The following KISS1R variants were observed in gnomAD, a reference collection of about 807,000 sequenced individuals.
The protein encoded by KISS1R is kiSS-1 receptor.
KISS1R carries 19 observed loss-of-function variants against 22.0 expected under a neutral mutation model. The ratio of observed to expected loss-of-function variants is 0.86; its 90% CI spans 0.60 to 1.26. The LOEUF (loss-of-function observed/expected upper bound fraction) is 1.26, where lower values mean the gene tolerates loss of function less well. KISS1R is among the 50% of genes most tolerant of loss of function. KISS1R has a pLI of 0.00. For missense variants in KISS1R, 653 were observed against 581.9 expected (o/e 1.12, Z -1.26); for synonymous variants, 302 against 283.9 (o/e 1.06, Z -0.64).
rs1427785644 is a variant in KISS1R, at chr19:920,385, C to T, written c.834C>T (p.Pro278=). 2 of 1,594,478 alleles carry T rather than the reference C, an allele frequency of 1.3e-6. No homozygotes were observed. The highest frequency in any genetic ancestry group is 1.7e-4 in the Middle Eastern group (1 of 5,844). Reference sequence around the variant, plus strand: ...TGCTCTTCGCCGCCTGCTGGGGCCCCATCCAGCTGTTCCTGGTGCTGCAGG... The same window carrying T: ...TGCTCTTCGCCGCCTGCTGGGGCCCTATCCAGCTGTTCCTGGTGCTGCAGG... The part of the protein sequence containing the change: ...VVLLFAACWG[P]IQLFLVLQAL... The change falls in exon 5 of 5, where the codon CCC becomes CCT. Residue 278 remains proline, a synonymous_variant. Coordinates refer to ENST00000234371, the MANE Select transcript of KISS1R (RefSeq NM_032551.5).
Position 920,749 on chromosome 19 carries a change from G to A in KISS1R, c.*1G>A, listed in dbSNP as rs2037115557. ...GGGGGAGGACAACGCCCCTCTCTGAGCGGACCCGGTGGGAATCCGAGCGGC... is the reference window on the plus strand; with the variant it reads ...GGGGGAGGACAACGCCCCTCTCTGAACGGACCCGGTGGGAATCCGAGCGGC... On this transcript the variant is annotated 3_prime_UTR_variant, in exon 5 of 5. Transcript: ENST00000234371. 2 of 1,282,544 alleles carry A rather than the reference G, an allele frequency of 1.6e-6. 1 individual carries two copies. The highest frequency in any genetic ancestry group is 6.1e-5 in the South Asian group (2 of 32,742). 79.4% of individuals were successfully genotyped at this position (1,282,544 alleles called of 1,614,324 possible).
chr19:917,629 T>C lies in KISS1R; in HGVS notation c.127T>C (p.Trp43Arg), dbSNP rs1469857955. The change falls in exon 1 of 5, where the codon TGG becomes CGG. Residue 43 changes from tryptophan (W) to arginine (R), a missense_variant. Transcript: ENST00000234371. ...PVPSPRAVDA[W>R]LVPLFFAALM... is the part of the protein sequence containing the mutation. ...CCCTTCGCCGCGGGCCGTGGACGCC[T>C]GGCTCGTGCCGCTCTTCTTCGCGGC... 2.5e-6 allele frequency: 4 copies of C among 1,582,008 alleles called. No individual in the cohort carries two copies. Among genetic ancestry groups the C allele is most frequent in the South Asian group, 2.3e-5 (2 of 87,528 alleles).
rs764262625 is a variant in KISS1R at position 920,577 on chromosome 19, G to GCGCCGCCCC, written c.1041_1049dup (p.Arg349_Pro351dup). The GCGCCGCCCC allele has an allele frequency of 1.4e-5, 21 of 1,512,076 alleles. No homozygotes were observed. The highest frequency in any genetic ancestry group is 1.8e-5 in the Non-Finnish European group (20 of 1,136,222). 93.7% of individuals were successfully genotyped at this position (1,512,076 alleles called of 1,614,324 possible). A position where few individuals can be genotyped will look rare whatever the true frequency, so the allele number is the denominator to read the frequency against. ...TCCGCCGCGTCTGCCCCTGCGCGCC[G>GCGCCGCCCC]CGCCGCCCCCGCCGCCCCCGCCGGC... On this transcript the variant is annotated inframe_insertion, in exon 5 of 5. Transcript: ENST00000234371.
intron 2 of KISS1R, among the ~76,000 whole-genome samples, chr19:919,181 G>A (rs1434939389): frequency 2.0e-5 from 3 of 151,834 alleles, no homozygotes; most frequent in African/African-American, 7.3e-5. Flanking sequence ...CCGGGTCACT[G>A]GTGAGGAAGG....
Position 919,565 on chromosome 19 carries a change from C to T in KISS1R, c.445C>T (p.Arg149Cys), listed in dbSNP as rs1339343212. Residue 149 changes from arginine to cysteine, a missense_variant, in exon 3 of 5, where the codon CGC becomes TGC. Arg to Cys is a radical substitution (Grantham distance 180). Coordinates refer to ENST00000234371, the MANE Select transcript of KISS1R (RefSeq NM_032551.5). ...DRWYVTVFPL[R>C]ALHRRTPRLA... ...CTGGTACGTGACGGTGTTCCCGTTG[C>T]GCGCCCTGCACCGCCGCACGCCCCG... The T allele has an allele frequency of 5.8e-6, 9 of 1,558,168 alleles. No homozygotes were observed. Among genetic ancestry groups the T allele is most frequent in the Admixed American group, 1.9e-5 (1 of 52,678 alleles).
intron 1 of KISS1R, among the ~76,000 whole-genome samples, chr19:918,059 C>T (rs898634168): frequency 3.9e-5 from 6 of 152,180 alleles, no homozygotes; most frequent in Non-Finnish European, 8.8e-5. Flanking sequence ...GAACAAAGGG[C>T]TGGGGGAGGG....
rs747119998 is a variant in KISS1R, at chr19:918,526, C to T, written c.245-18C>T. 38 of 1,544,060 alleles carry T rather than the reference C, an allele frequency of 2.5e-5. No individual in the cohort carries two copies. Among genetic ancestry groups the T allele is most frequent in the Non-Finnish European group, 2.4e-5 (28 of 1,146,206 alleles). On this transcript the variant is annotated intron_variant, in intron 1 of 4. Coordinates refer to ENST00000234371, the MANE Select transcript of KISS1R (RefSeq NM_032551.5). ...GCCAGTGGCGCCCACGCCCAGCGCC[C>T]GCGCATCCCCACCGCAGCCAACCTG...
chr19:917,800 G>A (rs1262308776), intron 1 of KISS1R, 54 bp downstream of exon 1: 14 of 1,545,206 alleles, frequency 9.1e-6, no homozygotes, highest in Non-Finnish European at 1.1e-5. Context: ...TCCGAGGGCC[G>A]AGCGGCCTGG....
Position 920,749 on chromosome 19 carries a change from G to C in KISS1R, c.*1G>C. 2 of 1,282,544 alleles carry C rather than the reference G, an allele frequency of 1.6e-6. No homozygotes were observed. Among genetic ancestry groups the C allele is most frequent in the Non-Finnish European group, 2.0e-6 (2 of 1,016,346 alleles). The allele number at this position is 1,282,544 out of a possible 1,614,324, so 79.4% of individuals were successfully genotyped here. A position where few individuals can be genotyped will look rare whatever the true frequency, so the allele number is the denominator to read the frequency against. ...GGGGGAGGACAACGCCCCTCTCTGA[G>C]CGGACCCGGTGGGAATCCGAGCGGC... is the stretch of plus-strand genomic sequence containing the variant. On this transcript the variant is annotated 3_prime_UTR_variant, in exon 5 of 5. Transcript: ENST00000234371.
chr19:917,916 T>G (rs1485929995), intron 1 of KISS1R, among the ~76,000 whole-genome samples, 170 bp downstream of exon 1: 1 of 151,978 alleles, frequency 6.6e-6, no homozygotes, highest in Non-Finnish European at 1.5e-5. Flanking sequence ...CACCTGAGGC[T>G]AGAGGTCGCA....
chr19:920,211 T>G, intron 4 of KISS1R, 79 bp from the exon 5 acceptor site: 1 of 1,524,590 alleles, frequency 6.6e-7, no homozygotes, highest in Non-Finnish European at 8.7e-7. Context: ...GCCCAAGGGG[T>G]CCAGGAGGGG....
intron 2 of KISS1R, 84 bp from the exon 3 acceptor site, chr19:919,406 A>G (rs2037092662): frequency 2.0e-6 from 3 of 1,521,988 alleles, no homozygotes; most frequent in African/African-American, 1.4e-5. Context: ...GTGTTCGCAC[A>G]CGTAGGGGGA....
chr19:919,731 A>G, intron 3 of KISS1R, 106 bp downstream of exon 3: 2 of 1,514,876 alleles, frequency 1.3e-6, no homozygotes, highest in Non-Finnish European at 1.8e-6. Flanking sequence ...AATGGGCGCA[A>G]TAGCTCTGCC....
At chr19:917,814 G>A (rs1293114372) in intron 1 of KISS1R, 68 bp downstream of exon 1, 14 of 1,506,904 alleles carry the variant, frequency 9.3e-6, no homozygotes, top group African/African-American at 1.4e-5. Flanking sequence ...GGCCTGGGGC[G>A]CCCTCTCGCG....
chr19:918,461 G>A (rs1234989515), intron 1 of KISS1R, 83 bp from the exon 2 acceptor site: 1 of 1,490,728 alleles, frequency 6.7e-7, no homozygotes, highest in Non-Finnish European at 9.0e-7. Context: ...CCAAGGTGGG[G>A]GCCAGGGGTC....
chr19:919,849 G>T (rs1361401554), intron 3 of KISS1R, 25 bp from the exon 4 acceptor site: 1 of 1,533,480 alleles, frequency 6.5e-7, no homozygotes, highest in East Asian at 2.4e-5. Context: ...CCCGAGCGGG[G>T]TCTTCATCCT....
In KISS1R at chr19:919,473, G is replaced by A. The variant is rs1032839194; in HGVS notation, c.370-17G>A. ...AACCGCGCAGGTGGCCACACGCCCG[G>A]CTGGCGGCTCCCGCAGGTCTCGGTG... On this transcript the variant is annotated splice_polypyrimidine_tract_variant and intron_variant, in intron 2 of 4. Coordinates refer to ENST00000234371, the MANE Select transcript of KISS1R (RefSeq NM_032551.5). 3.2e-6 allele frequency: 5 copies of A among 1,543,470 alleles called. No individual in the cohort carries two copies. In the African/African-American group the frequency reaches 6.8e-5, roughly 21 times the overall value.
chr19:920,924 T>A lies in KISS1R; in HGVS notation c.*176T>A, dbSNP rs1260868390. On this transcript the variant is annotated 3_prime_UTR_variant, in exon 5 of 5. Coordinates refer to ENST00000234371, the MANE Select transcript of KISS1R (RefSeq NM_032551.5). ...AAGTTTGCTATTGATATTGAAATTA[T>A]GACTTCTGTGTTTCCTGAAATTAAA... 13 of 639,910 alleles carry A rather than the reference T, an allele frequency of 2.0e-5. No homozygotes were observed. In the African/African-American group the frequency reaches 2.1e-4, roughly 10 times the overall value. The allele number at this position is 639,910 out of a possible 1,614,324, so 39.6% of individuals were successfully genotyped here.
In KISS1R at chr19:920,581, C is replaced by T; in HGVS notation, c.1030C>T (p.Arg344Cys). 6.8e-7 allele frequency: 1 copy of T among 1,465,024 alleles called. No individual in the cohort carries two copies. Among genetic ancestry groups the T allele is most frequent in the South Asian group, 1.4e-5 (1 of 73,518 alleles). The allele number at this position is 1,465,024 out of a possible 1,614,324, so 90.8% of individuals were successfully genotyped here. A position where few individuals can be genotyped will look rare whatever the true frequency, so the allele number is the denominator to read the frequency against. ...CCGCGTCTGCCCCTGCGCGCCGCGC[C>T]GCCCCCGCCGCCCCCGCCGGCCCGG... The part of the protein sequence containing the change: ...FRRVCPCAPR[R>C]PRRPRRPGPS... The change falls in exon 5 of 5, where the codon CGC becomes TGC. Residue 344 changes from arginine to cysteine, a missense_variant. Transcript: ENST00000234371.
Sources: gnomAD v4.1 joint callset for allele counts (sites outside exome capture counted in the v4.1 genomes callset) on GRCh38, gnomAD v4.1.1 for gene constraint, MANE v1.5 for transcripts, NCBI Gene and HGNC (gene_info 2026-07-23, HGNC 2026-07-21) for gene names.